The following LRMDA variants were observed in gnomAD, a reference collection of about 807,000 sequenced individuals.
LRMDA encodes leucine rich melanocyte differentiation associated.
Under a neutral mutation model 29.8 loss-of-function variants are expected in LRMDA, and 18 were observed. That is an observed-to-expected ratio of 0.60 (90% CI 0.42 to 0.90). The LOEUF is 0.90. Ranked by LOEUF, LRMDA falls within the 40% of genes least tolerant of loss-of-function variation. The pLI is 0.00. For missense variants in LRMDA, 273 were observed against 273.9 expected (o/e 1.00, Z 0.02); for synonymous variants, 125 against 109.4 (o/e 1.14, Z -0.89).
intron 2 of LRMDA, among the ~76,000 whole-genome samples, chr10:75,490,336 TACACACACACACACACACACAC>T (rs56077469): frequency 0.012 from 1,841 of 148,622 alleles, 46 homozygotes; most frequent in African/African-American, 0.042. Flanking sequence ...CATGTACACA[TACACACACACACACACACACAC>T]ACACACACAC....
rs2132049055 is a variant in LRMDA at position 75,541,630 on chromosome 10, A to G, written c.131+103136A>G. On this transcript the variant is annotated intron_variant, in intron 2 of 6. Coordinates refer to ENST00000611255, the MANE Select transcript of LRMDA (RefSeq NM_001305581.2). ...TGTTTAAAGCATCAGGTATTGAGAAATGTAATGGCAGGGTGAAAAGTTTGA... is the reference window on the plus strand; with the variant it reads ...TGTTTAAAGCATCAGGTATTGAGAAGTGTAATGGCAGGGTGAAAAGTTTGA... 2.0e-5 allele frequency among the ~76,000 whole-genome samples: 3 copies of G among 152,262 alleles called. No homozygotes were observed. The Middle Eastern group carries it at 0.01, about 518-fold the overall frequency.
intron 2 of LRMDA, among the ~76,000 whole-genome samples, chr10:75,933,772 T>G (rs1254257719): frequency 6.6e-6 from 1 of 152,130 alleles, no homozygotes; most frequent in African/African-American, 2.4e-5. Context: ...TTTATATTCT[T>G]GTTGGGGATA....
At chr10:75,916,164 ATGTGTG>A (rs34666507) in intron 2 of LRMDA, among the ~76,000 whole-genome samples, 4 of 124,418 alleles carry the variant, frequency 3.2e-5, no homozygotes, top group Non-Finnish European at 5.7e-5. Context: ...TGCCAGGCCT[ATGTGTG>A]TGTGTGTGTG....
intron 6 of LRMDA, among the ~76,000 whole-genome samples, chr10:76,376,212 C>A (rs1417951640): frequency 6.6e-6 from 1 of 152,102 alleles, no homozygotes; most frequent in Non-Finnish European, 1.5e-5. Context: ...TATGCGTATA[C>A]ATTATTTAGC....
At chr10:75,661,279 G>A (rs1346319889) in intron 2 of LRMDA, among the ~76,000 whole-genome samples, 2 of 152,188 alleles carry the variant, frequency 1.3e-5, no homozygotes, top group Non-Finnish European at 2.9e-5. Flanking sequence ...CTCGACTCTC[G>A]AAGGATCCCA....
At chr10:75,998,471 A>G (rs1413447530) in intron 2 of LRMDA, among the ~76,000 whole-genome samples, 2 of 152,142 alleles carry the variant, frequency 1.3e-5, no homozygotes, top group African/African-American at 2.4e-5. Flanking sequence ...CATTTTCCTT[A>G]TTTGTAATAT....
At chr10:76,120,520 G>A (rs144098348) in intron 5 of LRMDA, among the ~76,000 whole-genome samples, 46 of 152,122 alleles carry the variant, frequency 3.0e-4, no homozygotes, top group Non-Finnish European at 6.5e-4. Context: ...TTCATACTGC[G>A]CCATGTTTCA....
intron 2 of LRMDA, among the ~76,000 whole-genome samples, chr10:75,508,627 AAT>A (rs1384604652): frequency 1.3e-5 from 2 of 152,212 alleles, no homozygotes; most frequent in East Asian, 3.8e-4. Context: ...GCATTATAGC[AAT>A]ATGACTTTCC....
intron 6 of LRMDA, among the ~76,000 whole-genome samples, chr10:76,547,144 G>A (rs543322399): frequency 6.6e-6 from 1 of 152,246 alleles, no homozygotes; most frequent in African/African-American, 2.4e-5. Context: ...ACTGTCAAAT[G>A]ATGGCATATC....
chr10:76,501,287 G>T (rs893963887), intron 6 of LRMDA, among the ~76,000 whole-genome samples: 1 of 151,856 alleles, frequency 6.6e-6, no homozygotes, highest in Non-Finnish European at 1.5e-5. Context: ...ATGGGCACTT[G>T]GGTTGATTCC....
At chr10:75,576,438 G>A (rs1460016885) in intron 2 of LRMDA, among the ~76,000 whole-genome samples, 1 of 152,236 alleles carries the variant, frequency 6.6e-6, no homozygotes, top group Non-Finnish European at 1.5e-5. Flanking sequence ...CAGTTGGGGG[G>A]TGCAGCTTCA....
At chr10:76,160,954 T>TG (rs1252970259) in intron 5 of LRMDA, among the ~76,000 whole-genome samples, 3 of 152,116 alleles carry the variant, frequency 2.0e-5, no homozygotes, top group Non-Finnish European at 4.4e-5. Flanking sequence ...ATTGAGAGTG[T>TG]GGGGGCCTGA....
At chr10:76,332,811 T>C (rs1171950557) in intron 6 of LRMDA, among the ~76,000 whole-genome samples, 1 of 152,202 alleles carries the variant, frequency 6.6e-6, no homozygotes, top group Non-Finnish European at 1.5e-5. Flanking sequence ...TTAGTACCTA[T>C]TGTGTACTGA....
intron 2 of LRMDA, among the ~76,000 whole-genome samples, chr10:75,887,438 G>A (rs1211846177): frequency 6.6e-6 from 1 of 152,090 alleles, no homozygotes; most frequent in African/African-American, 2.4e-5. Context: ...AGGCCTGGGT[G>A]GGTGAATTTG....
At chr10:76,014,122 ATAATTATATATATATATATAT>A (rs1847836958) in intron 2 of LRMDA, among the ~76,000 whole-genome samples, 1 of 133,626 alleles carries the variant, frequency 7.5e-6, no homozygotes, top group Non-Finnish European at 1.6e-5. Flanking sequence ...ATATATATAT[ATAATTATATATATATATATAT>A]AATTATATAT....
chr10:75,979,842 C>A (rs1472776779), intron 2 of LRMDA, among the ~76,000 whole-genome samples: 1 of 152,160 alleles, frequency 6.6e-6, no homozygotes, highest in Non-Finnish European at 1.5e-5. Flanking sequence ...CAGGACACAA[C>A]AGGCAAAAGC....
intron 2 of LRMDA, among the ~76,000 whole-genome samples, chr10:75,936,347 G>A (rs917397683): frequency 1.7e-4 from 26 of 152,194 alleles, no homozygotes; most frequent in Non-Finnish European, 2.5e-4. Flanking sequence ...AGAGTCTGAC[G>A]AGCTCATCTT....
intron 5 of LRMDA, among the ~76,000 whole-genome samples, chr10:76,246,044 T>C (rs1168382910): frequency 9.2e-5 from 14 of 152,246 alleles, no homozygotes; most frequent in Non-Finnish European, 1.5e-4. Flanking sequence ...CATGATCCCA[T>C]GTCCATATTT....
chr10:75,431,709 C>CA lies in LRMDA; in HGVS notation c.-15dup. ...CCCCGCGCTCCGTCCCGCGCGCCCG[C>CA]AGCGTCCTGGCCGCCATGGCCGGGC... On this transcript the variant is annotated 5_prime_UTR_variant, in exon 1 of 7. Transcript: ENST00000611255. The CA allele has an allele frequency of 7.6e-7, 1 of 1,320,800 alleles. No individual in the cohort carries two copies. The highest frequency in any genetic ancestry group is 3.1e-5 in the East Asian group (1 of 32,412). The allele number at this position is 1,320,800 out of a possible 1,614,324, so 81.8% of individuals were successfully genotyped here.
Sources: allele counts gnomAD v4.1 joint callset (sites outside exome capture counted in the v4.1 genomes callset), GRCh38; gene constraint gnomAD v4.1.1; transcripts MANE v1.5; gene names NCBI Gene and HGNC (gene_info 2026-07-23, HGNC 2026-07-21).